Variants in L3MBTL4 observed in about 807,000 individuals in gnomAD.
The protein encoded by L3MBTL4 is lethal(3)malignant brain tumor-like protein 4.
A neutral mutation model predicts 84.5 loss-of-function variants in L3MBTL4; 70 were observed. The ratio of observed to expected loss-of-function variants is 0.83; its 90% CI spans 0.68 to 1.01. L3MBTL4 has a LOEUF of 1.01. L3MBTL4 is among the 50% of genes least tolerant of loss of function. L3MBTL4 has a pLI of 0.00. For synonymous variants in L3MBTL4, 274 were observed against 259.8 expected (o/e 1.05, Z -0.52); for missense variants, 715 against 754.8 (o/e 0.95, Z 0.62).
intron 12 of L3MBTL4, among the ~76,000 whole-genome samples, chr18:6,199,550 T>C (rs1264897464): frequency 1.3e-5 from 2 of 152,200 alleles, no homozygotes; most frequent in Admixed American, 6.5e-5. Flanking sequence ...AAGTAGAATT[T>C]ACTGCCTGGA....
At chr18:5,987,296 T>C (rs2053504466) in intron 16 of L3MBTL4, among the ~76,000 whole-genome samples, 1 of 152,256 alleles carries the variant, frequency 6.6e-6, no homozygotes, top group African/African-American at 2.4e-5. Context: ...TCTTCTAAAA[T>C]GTGTTTATTT....
intron 15 of L3MBTL4, among the ~76,000 whole-genome samples, chr18:6,083,837 C>T (rs535625387): frequency 7.1e-4 from 108 of 152,280 alleles, no homozygotes; most frequent in African/African-American, 2.6e-3. Flanking sequence ...AAGGCAAAAG[C>T]TGTAGCTGTC....
At chr18:6,151,000 G>GCT (rs2042871746) in intron 13 of L3MBTL4, among the ~76,000 whole-genome samples, 1 of 152,142 alleles carries the variant, frequency 6.6e-6, no homozygotes, top group African/African-American at 2.4e-5. Flanking sequence ...CTACAGCAGC[G>GCT]CCAGGCTCCA....
chr18:5,978,587 C>G (rs550581134), intron 16 of L3MBTL4, among the ~76,000 whole-genome samples: 2 of 152,268 alleles, frequency 1.3e-5, no homozygotes, highest in East Asian at 3.9e-4. Context: ...TCCTCCTGCC[C>G]GGTCACTTCC....
intron 4 of L3MBTL4, among the ~76,000 whole-genome samples, chr18:6,285,235 A>T (rs1372770037): frequency 6.6e-6 from 1 of 152,162 alleles, no homozygotes; most frequent in Non-Finnish European, 1.5e-5. Flanking sequence ...CATGGATGCC[A>T]GGGAGGGGTT....
chr18:6,251,071 A>G (rs1297518948), intron 5 of L3MBTL4, among the ~76,000 whole-genome samples: 1 of 152,252 alleles, frequency 6.6e-6, no homozygotes, highest in African/African-American at 2.4e-5. Context: ...CAATCATGCT[A>G]TCAGTAATGT....
At chr18:6,323,742 G>C (rs554305378) in intron 1 of L3MBTL4, among the ~76,000 whole-genome samples, 1 of 152,238 alleles carries the variant, frequency 6.6e-6, no homozygotes. Flanking sequence ...AAAGGAAGCA[G>C]AGTGTAAAAG....
intron 15 of L3MBTL4, among the ~76,000 whole-genome samples, chr18:6,091,276 T>A (rs1014442148): frequency 1.3e-5 from 2 of 152,180 alleles, no homozygotes; most frequent in Admixed American, 1.3e-4. Context: ...CAGGATGCCA[T>A]GGAGATGAGG....
At position 5,975,347 on chromosome 18, in the gene L3MBTL4, T is replaced by TA. The variant is rs201224401; in HGVS notation, c.1445-5786dup. On this transcript the variant is annotated intron_variant, in intron 16 of 18. Coordinates refer to ENST00000317931, the MANE Select transcript of L3MBTL4 (RefSeq NM_001330559.2). ...GTTCTCTGCTGCAAAAAGGAGGAAA[T>TA]AAAAAAAATGCAGTCGGTCCCCAAA... Among the ~76,000 whole-genome samples the TA allele has an allele frequency of 3.6e-3, 541 of 151,746 alleles. 4 individuals are homozygous for TA. The highest frequency in any genetic ancestry group is 0.012 in the African/African-American group (516 of 41,360).
At chr18:6,015,892 G>A (rs376659407) in intron 16 of L3MBTL4, among the ~76,000 whole-genome samples, 9 of 152,132 alleles carry the variant, frequency 5.9e-5, no homozygotes, top group East Asian at 5.8e-4. Context: ...TCCGGGACGC[G>A]GAGGTTGCAG....
At chr18:6,036,107 T>C (rs1445025649) in intron 16 of L3MBTL4, among the ~76,000 whole-genome samples, 1 of 152,216 alleles carries the variant, frequency 6.6e-6, no homozygotes, top group Non-Finnish European at 1.5e-5. Context: ...TGCCTCTTTC[T>C]TGCTGCTTTC....
intron 13 of L3MBTL4, among the ~76,000 whole-genome samples, chr18:6,164,001 C>A (rs189750352): frequency 6.6e-6 from 1 of 152,216 alleles, no homozygotes; most frequent in East Asian, 1.9e-4. Flanking sequence ...ACTTTTCCAA[C>A]AGGCTTAACA....
intron 16 of L3MBTL4, among the ~76,000 whole-genome samples, chr18:6,008,858 G>C (rs927914852): frequency 5.9e-5 from 9 of 152,322 alleles, no homozygotes; most frequent in Middle Eastern, 3.4e-3. Context: ...AACAGTCTGT[G>C]TGTTGTCTGA....
At chr18:6,284,067 G>C (rs532661892) in intron 4 of L3MBTL4, among the ~76,000 whole-genome samples, 9 of 152,278 alleles carry the variant, frequency 5.9e-5, no homozygotes, top group African/African-American at 2.2e-4. Flanking sequence ...GCACTATAAT[G>C]CTTTAATTGT....
At chr18:6,204,780 A>C (rs140929740) in intron 12 of L3MBTL4, among the ~76,000 whole-genome samples, 1 of 152,176 alleles carries the variant, frequency 6.6e-6, no homozygotes. Flanking sequence ...GCCCTGCACT[A>C]TTACACTGAA....
At chr18:6,259,360 T>G (rs1411469315) in intron 5 of L3MBTL4, 6 of 152,268 alleles carry the variant, frequency 3.9e-5, no homozygotes, top group Admixed American at 6.5e-5. Context: ...TTTCTTTCTC[T>G]GCAGCCTTGC....
At chr18:6,169,593 A>G (rs2043859470) in intron 13 of L3MBTL4, among the ~76,000 whole-genome samples, 1 of 149,226 alleles carries the variant, frequency 6.7e-6, no homozygotes. Context: ...AAAACCAAAC[A>G]CCGCATGTTC....
At position 6,138,265 on chromosome 18, in the gene L3MBTL4, T is replaced by A; in HGVS notation, c.1128A>T (p.Gln376His). The A allele has an allele frequency of 6.2e-7, 1 of 1,613,106 alleles. No homozygotes were observed. Among genetic ancestry groups the A allele is most frequent in the Non-Finnish European group, 8.5e-7 (1 of 1,179,450 alleles). ...RTNDLKILPG[Q>H]AVCPTPGCRG... ...GGCACCCGGGAGTAGGACAGACAGC[T>A]TGACCTGGAAGGATCTTCAGGTCAT... is the stretch of plus-strand genomic sequence containing the variant. Residue 376 changes from glutamine to histidine, a missense_variant, in exon 14 of 19, where the codon CAA becomes CAT. By Grantham distance (24) the Gln-to-His change is conservative. Coordinates refer to ENST00000317931, the MANE Select transcript of L3MBTL4 (RefSeq NM_001330559.2).
chr18:6,356,166 C>A (rs2053436552), intron 1 of L3MBTL4, among the ~76,000 whole-genome samples: 1 of 152,240 alleles, frequency 6.6e-6, no homozygotes, highest in Admixed American at 6.5e-5. Flanking sequence ...CTGTAGTATT[C>A]TCTGTGTTTG....
Sources: allele counts gnomAD v4.1 joint callset (sites outside exome capture counted in the v4.1 genomes callset), GRCh38; gene constraint gnomAD v4.1.1; transcripts MANE v1.5; gene names NCBI Gene and HGNC (gene_info 2026-07-23, HGNC 2026-07-21).